Variants in MILR1 observed in about 807,000 individuals in gnomAD.
MILR1 encodes mast cell immunoglobulin like receptor 1, also known as allergin-1.
MILR1 carries 31 observed loss-of-function variants against 18.5 expected under a neutral mutation model. The observed-to-expected ratio is 1.68, with a 90% CI of 1.26 to 2.26. The LOEUF is 2.26. MILR1 is among the 30% of genes most tolerant of loss of function. The pLI is 0.00. For synonymous variants in MILR1, 85 were observed against 56.2 expected (o/e 1.51, Z -2.30); for missense variants, 257 against 157.4 (o/e 1.63, Z -3.38).
chr17:64,457,841 C>T (rs1347414920), intron 4 of MILR1, among the ~76,000 whole-genome samples, 157 bp downstream of exon 4: 5 of 152,142 alleles, frequency 3.3e-5, no homozygotes, highest in East Asian at 1.9e-4. Flanking sequence ...AAAACTAGGT[C>T]GTGTGCAGTG....
At position 64,467,597 on chromosome 17, in the gene MILR1, T is replaced by C. The variant is rs782027927; in HGVS notation, c.1012T>C (p.Tyr338His). 3 of 1,561,844 alleles carry C rather than the reference T, an allele frequency of 1.9e-6. No homozygotes were observed. Among genetic ancestry groups the C allele is most frequent in the East Asian group, 2.3e-5 (1 of 44,110 alleles). ...ACDSYKSGYV[Y>H]SELNF ...TGATTCTTATAAATCTGGATATGTC[T>C]ATTCTGAACTCAACTTCTGAAATTT... Residue 338 changes from tyrosine (Y) to histidine (H), a missense_variant, in exon 9 of 10, where the codon TAT becomes CAT. Transcript: ENST00000619286.
the MILR1 span, chr17:64,485,733 T>C: frequency 1.3e-3 from 2,091 of 1,612,420 alleles, 30 homozygotes; most frequent in South Asian, 0.021. Flanking sequence ...AGCACCTTTC[T>C]ATGAAGATTT....
intron 5 of MILR1, among the ~76,000 whole-genome samples, chr17:64,464,519 C>T (rs1233132967): frequency 2.6e-5 from 4 of 152,140 alleles, no homozygotes; most frequent in South Asian, 2.1e-4. Context: ...GGATTACAGG[C>T]GTGAGCCACT....
At chr17:64,496,509 G>A in the MILR1 span, 1 of 1,613,056 alleles carries the variant, frequency 6.2e-7, no homozygotes, top group Admixed American at 1.7e-5. Flanking sequence ...AAGATTTCGC[G>A]TAGAGTTTCT....
intron 5 of MILR1, among the ~76,000 whole-genome samples, chr17:64,461,334 G>A (rs988016049): frequency 1.3e-4 from 20 of 151,978 alleles, no homozygotes; most frequent in Middle Eastern, 3.4e-3. Flanking sequence ...TGCAGCTTCC[G>A]CCTCCTGGGT....
chr17:64,451,047 G>A (rs971048471), intron 2 of MILR1, among the ~76,000 whole-genome samples: 31 of 152,164 alleles, frequency 2.0e-4, no homozygotes, highest in African/African-American at 6.7e-4. Flanking sequence ...AAGGCTGATC[G>A]TATCCTATCA....
At chr17:64,496,700 G>A in the MILR1 span, 1 of 1,614,036 alleles carries the variant, frequency 6.2e-7, no homozygotes. Context: ...ACTCAGAAGA[G>A]AATCCCGGCT....
the MILR1 span, among the ~76,000 whole-genome samples, chr17:64,477,253 T>C: frequency 1.3e-5 from 2 of 152,170 alleles, no homozygotes; most frequent in Non-Finnish European, 2.9e-5. Flanking sequence ...CTAAATCAGA[T>C]CATTTTCATT....
intron 4 of MILR1, among the ~76,000 whole-genome samples, chr17:64,458,957 C>T (rs1002789451): frequency 1.3e-5 from 2 of 152,172 alleles, no homozygotes; most frequent in Admixed American, 1.3e-4. Context: ...CGTCCACGTG[C>T]ATGCAAGGCC....
intron 2 of MILR1, among the ~76,000 whole-genome samples, chr17:64,451,411 G>C (rs2037168275): frequency 6.6e-6 from 1 of 152,058 alleles, no homozygotes; most frequent in Non-Finnish European, 1.5e-5. Flanking sequence ...AAATTGCTGG[G>C]ATTACAGGCA....
the MILR1 span, chr17:64,478,017 T>C: frequency 6.2e-7 from 1 of 1,604,276 alleles, no homozygotes; most frequent in Non-Finnish European, 8.5e-7. Context: ...AACAGACACA[T>C]GAGCACAAAT....
chr17:64,454,803 G>C (rs1349880928), intron 3 of MILR1, among the ~76,000 whole-genome samples: 1 of 152,094 alleles, frequency 6.6e-6, no homozygotes, highest in African/African-American at 2.4e-5. Flanking sequence ...AGACCAGCCT[G>C]GGAACTATGT....
Position 64,467,600 on chromosome 17 carries a change from T to G in MILR1, c.1015T>G (p.Ser339Ala). ...CDSYKSGYVY[S>A]ELNF ...TTCTTATAAATCTGGATATGTCTAT[T>G]CTGAACTCAACTTCTGAAATTTACA... The change falls in exon 9 of 10, where the codon TCT becomes GCT. Residue 339 changes from serine (S) to alanine (A), a missense_variant. Coordinates refer to ENST00000619286, the MANE Select transcript of MILR1 (RefSeq NM_001085423.2). 1.3e-6 allele frequency: 2 copies of G among 1,563,996 alleles called. No homozygotes were observed. The highest frequency in any genetic ancestry group is 1.2e-5 in the South Asian group (1 of 86,656).
rs2037563962 is a variant in MILR1, at chr17:64,466,481, T to C, written c.893T>C (p.Val298Ala). 6.2e-7 allele frequency: 1 copy of C among 1,613,848 alleles called. No individual in the cohort carries two copies. Among genetic ancestry groups the C allele is most frequent in the Non-Finnish European group, 8.5e-7 (1 of 1,179,834 alleles). ...SVPEVGSRPC[V>A]STAQDEAKHS... ...CCAGAAGTGGGATCCAGGCCGTGTG[T>C]TTCCACAGCCCAAGATGGTGAGCAT... The change falls in exon 7 of 10, where the codon GTT (valine) becomes GCT (alanine). Residue 298 changes from valine (V) to alanine (A), a missense_variant. By Grantham distance (64) the Val-to-Ala change is moderately conservative. Coordinates refer to ENST00000619286, the MANE Select transcript of MILR1 (RefSeq NM_001085423.2).
intron 3 of MILR1, among the ~76,000 whole-genome samples, chr17:64,453,295 C>T (rs2037216064): frequency 6.6e-6 from 1 of 152,032 alleles, no homozygotes; most frequent in Non-Finnish European, 1.5e-5. Context: ...TCTCGAACTC[C>T]TGACCTCAGG....
intron 5 of MILR1, among the ~76,000 whole-genome samples, chr17:64,461,831 T>C (rs1486825299): frequency 6.6e-6 from 1 of 152,100 alleles, no homozygotes; most frequent in Non-Finnish European, 1.5e-5. Context: ...TTAGTTTGAC[T>C]CCTCTAGGCA....
At chr17:64,473,738 AT>A in the MILR1 span, among the ~76,000 whole-genome samples, 1 of 152,220 alleles carries the variant, frequency 6.6e-6, no homozygotes, top group Non-Finnish European at 1.5e-5. Flanking sequence ...TAAAAAAATT[AT>A]TAAAAGCAAT....
chr17:64,487,835 C>G, the MILR1 span, among the ~76,000 whole-genome samples: 1 of 151,858 alleles, frequency 6.6e-6, no homozygotes, highest in Non-Finnish European at 1.5e-5. Flanking sequence ...GATCCCATCC[C>G]TATTTAAAAC....
chr17:64,495,650 A>G, the MILR1 span, among the ~76,000 whole-genome samples: 1 of 152,148 alleles, frequency 6.6e-6, no homozygotes, highest in African/African-American at 2.4e-5. Flanking sequence ...CTTCTTTTAC[A>G]TATTATCTCT....
Sources: gnomAD v4.1 joint callset for allele counts (sites outside exome capture counted in the v4.1 genomes callset) on GRCh38, gnomAD v4.1.1 for gene constraint, MANE v1.5 for transcripts, NCBI Gene and HGNC (gene_info 2026-07-23, HGNC 2026-07-21) for gene names.